TPCN1: variants seen among roughly 807,000 people sequenced by gnomAD.
TPCN1 encodes the protein two pore segment channel 1.
TPCN1 carries 52 observed loss-of-function variants against 108.8 expected under a neutral mutation model. The ratio of observed to expected loss-of-function variants is 0.48; its 90% CI spans 0.38 to 0.60. TPCN1 has a LOEUF of 0.60. TPCN1 is among the 20% of genes least tolerant of loss of function. TPCN1 has a pLI of 0.00. For missense variants in TPCN1, 806 were observed against 1,072.8 expected (o/e 0.75, Z 3.47); for synonymous variants, 446 against 433.7 (o/e 1.03, Z -0.35).
At chr12:113,222,628 TA>T (rs895927636) in intron 1 of TPCN1, among the ~76,000 whole-genome samples, 1 of 152,204 alleles carries the variant, frequency 6.6e-6, no homozygotes, top group Non-Finnish European at 1.5e-5. Flanking sequence ...ATTAAACAGT[TA>T]AACAACCGTG....
At chr12:113,249,216 C>T (rs1231802370) in intron 2 of TPCN1, among the ~76,000 whole-genome samples, 1 of 152,224 alleles carries the variant, frequency 6.6e-6, no homozygotes, top group African/African-American at 2.4e-5. Context: ...AATGGAGGGA[C>T]CGTCTGTGCG....
In TPCN1 at chr12:113,289,485, GT is replaced by G. The variant is rs1956196228; in HGVS notation, c.1796+639del. On this transcript the variant is annotated intron_variant, in intron 21 of 27. Coordinates refer to ENST00000335509, the MANE Select transcript of TPCN1 (RefSeq NM_017901.6). This position sits in a 1 kb window ranked among gnomAD's most constrained non-coding sequence, Gnocchi z 4.1. ...TGGAACCAGAAGCCTATAGCAGTGG[GT>G]CCCAGACTTTAGAGCCCATTGCAGT... Among the ~76,000 whole-genome samples, 1 of 152,286 alleles carries G rather than the reference GT, an allele frequency of 6.6e-6. No individual in the cohort carries two copies. The highest frequency in any genetic ancestry group is 1.5e-5 in the Non-Finnish European group (1 of 68,028).
intron 2 of TPCN1, among the ~76,000 whole-genome samples, chr12:113,245,506 C>T (rs1954330614): frequency 7.2e-6 from 1 of 139,210 alleles, no homozygotes; most frequent in African/African-American, 2.8e-5. Context: ...GAGGCTGAGG[C>T]AGGAGAATGG....
chr12:113,280,196 G>GT lies in TPCN1; in HGVS notation c.1342+2dup. 3 of 1,607,442 alleles carry GT rather than the reference G, an allele frequency of 1.9e-6. No individual in the cohort carries two copies. The highest frequency in any genetic ancestry group is 2.6e-6 in the Non-Finnish European group (3 of 1,174,566). On this transcript the variant is annotated splice_donor_variant, in intron 15 of 27. Coordinates refer to ENST00000335509, the MANE Select transcript of TPCN1 (RefSeq NM_017901.6). LOFTEE classifies it high-confidence loss of function. ...TCCAAGGCCTTCCAGTATTTCATGT[G>GT]TAAGTGTGAAATATCTCCACTCTAG... is the stretch of plus-strand genomic sequence containing the variant.
chr12:113,222,321 T>C (rs560298018), intron 1 of TPCN1, among the ~76,000 whole-genome samples: 1 of 152,338 alleles, frequency 6.6e-6, no homozygotes, highest in South Asian at 2.1e-4. Flanking sequence ...AAAGGCAAGT[T>C]AACCACTCCA....
chr12:113,259,333 A>C (rs896729216), intron 2 of TPCN1, among the ~76,000 whole-genome samples: 6 of 152,128 alleles, frequency 3.9e-5, no homozygotes, highest in Non-Finnish European at 8.8e-5. Flanking sequence ...GCAGATTTAC[A>C]GATTTCTCTC....
At chr12:113,281,448 G>C (rs2136698976) in intron 15 of TPCN1, among the ~76,000 whole-genome samples, 1 of 152,328 alleles carries the variant, frequency 6.6e-6, no homozygotes, top group Admixed American at 6.5e-5. Flanking sequence ...TTATTCATTT[G>C]CTTTGTCTCA....
intron 27 of TPCN1, among the ~76,000 whole-genome samples, 172 bp from the exon 28 acceptor site, chr12:113,295,788 A>C (rs1956405329): frequency 1.3e-5 from 2 of 152,118 alleles, no homozygotes; most frequent in South Asian, 4.1e-4. Flanking sequence ...CTGGGGCCAC[A>C]TTCAAAATTC....
At chr12:113,225,356 G>A (rs754678492) in intron 1 of TPCN1, 3 of 371,808 alleles carry the variant, frequency 8.1e-6, no homozygotes, top group South Asian at 1.9e-5. Flanking sequence ...ACTGTGCCCA[G>A]CCTATTTTTT....
In TPCN1 at chr12:113,296,315, T is replaced by A; in HGVS notation, c.*239T>A. ...GCCACCAGGTCTGAGCTCTTCCTAC[T>A]GTGGAAGGCTCCAGAAGGCCCTTCA... On this transcript the variant is annotated 3_prime_UTR_variant, in exon 28 of 28. Transcript: ENST00000335509. The A allele has an allele frequency of 1.9e-6, 1 of 532,032 alleles. No homozygotes were observed. The highest frequency in any genetic ancestry group is 3.2e-6 in the Non-Finnish European group (1 of 308,566). The allele number at this position is 532,032 out of a possible 1,614,324, so 33.0% of individuals were successfully genotyped here. A position where few individuals can be genotyped will look rare whatever the true frequency, so the allele number is the denominator to read the frequency against.
chr12:113,287,928 G>A (rs900132311), intron 19 of TPCN1, among the ~76,000 whole-genome samples: 8 of 152,104 alleles, frequency 5.3e-5, no homozygotes, highest in South Asian at 2.1e-4. Context: ...GCTCCTCTTC[G>A]TGGAAGGACC....
chr12:113,286,067 A>T, intron 18 of TPCN1, 106 bp downstream of exon 18: 1 of 1,023,608 alleles, frequency 9.8e-7, no homozygotes, highest in Non-Finnish European at 1.5e-6. Flanking sequence ...TCGCAGAGGG[A>T]GGGTCTGAGG....
rs753342910 is a variant in TPCN1, at chr12:113,273,627, A to G, written c.901A>G (p.Ile301Val). 1 of 1,614,152 alleles carries G rather than the reference A, an allele frequency of 6.2e-7. No individual in the cohort carries two copies. The highest frequency in any genetic ancestry group is 1.7e-5 in the Admixed American group (1 of 60,010). Residue 301 changes from isoleucine (I) to valine (V), a missense_variant, in exon 10 of 28, where the codon ATC becomes GTC. Ile to Val is a conservative substitution (Grantham distance 29). Coordinates refer to ENST00000335509, the MANE Select transcript of TPCN1 (RefSeq NM_017901.6). This position sits in a 1 kb window ranked among gnomAD's most constrained non-coding sequence, Gnocchi z 4.0. ...SRNPWSCVFF[I>V]VYLSIELYFI... ...GAACCCCTGGTCCTGCGTCTTCTTC[A>G]TCGTGTACCTCTCCATCGAGCTGTA...
chr12:113,261,470 T>C (rs1955032635), intron 3 of TPCN1, among the ~76,000 whole-genome samples: 1 of 141,490 alleles, frequency 7.1e-6, no homozygotes, highest in Admixed American at 7.3e-5. Flanking sequence ...TCACCCAGGC[T>C]GGAGTTGAAT....
rs376851111 is a variant in TPCN1, at chr12:113,284,775, C to T, written c.1453+4C>T. ...AGTTACCTCGTCTTTCTAACTAGTA[C>T]GTTTCCGACATGGCTTTGCTGGACT... On this transcript the variant is annotated splice_donor_region_variant and intron_variant, in intron 17 of 27. Coordinates refer to ENST00000335509, the MANE Select transcript of TPCN1 (RefSeq NM_017901.6). This position sits in a 1 kb window ranked among gnomAD's most constrained non-coding sequence, Gnocchi z 4.1. 8.7e-6 allele frequency: 14 copies of T among 1,614,040 alleles called. No individual in the cohort carries two copies. The highest frequency in any genetic ancestry group is 5.5e-5 in the South Asian group (5 of 91,092).
chr12:113,290,878 T>C lies in TPCN1; in HGVS notation c.1913-74T>C, dbSNP rs368925163. The C allele has an allele frequency of 2.1e-4, 304 of 1,424,968 alleles. 2 individuals carry two copies. In the African/African-American group the frequency reaches 4.0e-3, roughly 19 times the overall value. The allele number at this position is 1,424,968 out of a possible 1,614,324, so 88.3% of individuals were successfully genotyped here. ...CTTAGCACATGGCACCCAGGATAGG[T>C]GGCAAGAGGCCACTTGAAATTGACT... On this transcript the variant is annotated intron_variant, in intron 22 of 27. Transcript: ENST00000335509.
At position 113,288,606 on chromosome 12, in the gene TPCN1, A is replaced by C; in HGVS notation, c.1707-152A>C. 6.7e-7 allele frequency: 1 copy of C among 1,501,554 alleles called. No individual in the cohort carries two copies. Among genetic ancestry groups the C allele is most frequent in the Non-Finnish European group, 8.9e-7 (1 of 1,129,152 alleles). 93.0% of individuals were successfully genotyped at this position (1,501,554 alleles called of 1,614,324 possible). Reference sequence around the variant, plus strand: ...CTGTTTTTCACCCCAGAGCTGCCCCACGAGGCCCCTTCCCCGCAGGCACTT... The same window carrying C: ...CTGTTTTTCACCCCAGAGCTGCCCCCCGAGGCCCCTTCCCCGCAGGCACTT... On this transcript the variant is annotated intron_variant, in intron 20 of 27. Transcript: ENST00000335509. This position sits in a 1 kb window ranked among gnomAD's most constrained non-coding sequence, Gnocchi z 4.8.
intron 11 of TPCN1, 91 bp downstream of exon 11, chr12:113,277,126 G>A: frequency 6.2e-7 from 1 of 1,601,116 alleles, no homozygotes; most frequent in Non-Finnish European, 8.5e-7. Flanking sequence ...AGCCACTTTA[G>A]AAACCAGGAA....
Position 113,273,123 on chromosome 12 carries a change from A to T in TPCN1, c.784-109A>T. On this transcript the variant is annotated intron_variant, in intron 8 of 27. Coordinates refer to ENST00000335509, the MANE Select transcript of TPCN1 (RefSeq NM_017901.6). The surrounding 1 kb of genome is among the most constrained non-coding windows in gnomAD (Gnocchi z 4.0). ...GCCTCCCTCAGGGATTCCTTGAGAG[A>T]TGCAAGAGCGGTCAAGGCAGGGCAT... The T allele has an allele frequency of 3.2e-6, 3 of 941,828 alleles. No homozygotes were observed. The allele number at this position is 941,828 out of a possible 1,614,324, so 58.3% of individuals were successfully genotyped here.
Sources: allele counts gnomAD v4.1 joint callset (sites outside exome capture counted in the v4.1 genomes callset), GRCh38; gene constraint gnomAD v4.1.1; non-coding constraint Gnocchi (gnomAD v3.1); transcripts MANE v1.5; gene names NCBI Gene and HGNC (gene_info 2026-07-23, HGNC 2026-07-21).